SEC14L1: variants seen among roughly 807,000 people sequenced by gnomAD.
SEC14L1 encodes SEC14-like protein 1.
Under a neutral mutation model 85.3 loss-of-function variants are expected in SEC14L1, and 48 were observed. The ratio of observed to expected loss-of-function variants is 0.56; its 90% CI spans 0.45 to 0.72. The LOEUF is 0.72. Among genes scored for constraint, SEC14L1 ranks in the 30% least tolerant of loss-of-function variants. The pLI is 0.00. For synonymous variants in SEC14L1, 391 were observed against 355.5 expected (o/e 1.10, Z -1.12); for missense variants, 682 against 921.4 (o/e 0.74, Z 3.36).
In SEC14L1 at chr17:77,200,680, G is replaced by A. The variant is rs886636328; in HGVS notation, c.1009+7G>A. 6.2e-7 allele frequency: 1 copy of A among 1,608,916 alleles called. No homozygotes were observed. The highest frequency in any genetic ancestry group is 1.3e-5 in the African/African-American group (1 of 74,670). ...TGGCATCATCACGACAAAGGTACCG[G>A]ATGGAGTTGAAACTGTGTTTCCATC... On this transcript the variant is annotated splice_region_variant and intron_variant, in intron 9 of 16. Transcript: ENST00000436233.
At chr17:77,099,723 T>C (rs1237848245) in intron 3 of SEC14L1, among the ~76,000 whole-genome samples, 2 of 152,038 alleles carry the variant, frequency 1.3e-5, no homozygotes, top group South Asian at 2.1e-4. Flanking sequence ...CCCACTGCAT[T>C]CCAGCCTGGA....
intron 3 of SEC14L1, among the ~76,000 whole-genome samples, chr17:77,109,505 C>G (rs1456371623): frequency 6.6e-6 from 1 of 152,200 alleles, no homozygotes; most frequent in Non-Finnish European, 1.5e-5. Flanking sequence ...CTATTTCTCT[C>G]GCCTGATTTC....
intron 3 of SEC14L1, chr17:77,128,101 A>T (rs1972503673): frequency 6.6e-6 from 1 of 152,256 alleles, no homozygotes; most frequent in Admixed American, 6.5e-5. Context: ...ATTTCTTGGA[A>T]CAGTGCGTCA....
chr17:77,114,183 A>G (rs1362225514), intron 3 of SEC14L1, among the ~76,000 whole-genome samples: 7 of 152,182 alleles, frequency 4.6e-5, no homozygotes, highest in Admixed American at 3.3e-4. Context: ...TCTGTGACAA[A>G]TGATCCCAGG....
At chr17:77,152,311 G>A (rs1025524535) in intron 3 of SEC14L1, among the ~76,000 whole-genome samples, 1 of 152,056 alleles carries the variant, frequency 6.6e-6, no homozygotes, top group Non-Finnish European at 1.5e-5. Flanking sequence ...TGAGGCGGGT[G>A]GATCATTTGA....
At chr17:77,104,785 C>T (rs1192695708) in intron 3 of SEC14L1, among the ~76,000 whole-genome samples, 2 of 104,584 alleles carry the variant, frequency 1.9e-5, no homozygotes, top group South Asian at 3.9e-4. Flanking sequence ...AGTGAGACTC[C>T]ATTTCAAAAA....
At chr17:77,130,817 GC>G (rs1972590397) in intron 3 of SEC14L1, among the ~76,000 whole-genome samples, 1 of 152,116 alleles carries the variant, frequency 6.6e-6, no homozygotes, top group South Asian at 2.1e-4. Flanking sequence ...TGTTGTCCAA[GC>G]TGGTCTTGAA....
At chr17:77,172,246 T>TAAAA (rs778355887) in intron 3 of SEC14L1, among the ~76,000 whole-genome samples, 15 of 151,800 alleles carry the variant, frequency 9.9e-5, no homozygotes, top group Non-Finnish European at 1.9e-4. Flanking sequence ...GGACTTGAGG[T>TAAAA]AAAAAAAAGA....
At chr17:77,172,471 A>G (rs1974559361) in intron 3 of SEC14L1, among the ~76,000 whole-genome samples, 2 of 151,998 alleles carry the variant, frequency 1.3e-5, no homozygotes, top group Non-Finnish European at 2.9e-5. Context: ...AGTTCTTTAT[A>G]GGTTTTGGCC....
At chr17:77,104,149 C>G (rs1971848522) in intron 3 of SEC14L1, among the ~76,000 whole-genome samples, 1 of 142,206 alleles carries the variant, frequency 7.0e-6, no homozygotes, top group Non-Finnish European at 1.5e-5. Flanking sequence ...GAGACAGAGT[C>G]TCCTCTGTCA....
At position 77,206,848 on chromosome 17, in the gene SEC14L1, A is replaced by G; in HGVS notation, c.1462A>G (p.Ser488Gly). 1 of 1,605,788 alleles carries G rather than the reference A, an allele frequency of 6.2e-7. No homozygotes were observed. Among genetic ancestry groups the G allele is most frequent in the Admixed American group, 1.7e-5 (1 of 58,206 alleles). ...CAAAGAGATTATTCCAGATTTCCTG[A>G]GTGGGGAGTGCATGGTATGTCCTGA... ...IDKEIIPDFL[S>G]GECMCEVPEG... is the part of the protein sequence containing the mutation. The change falls in exon 13 of 17, where the codon AGT becomes GGT. Residue 488 changes from serine (S) to glycine (G), a missense_variant. By Grantham distance (56) the Ser-to-Gly change is moderately conservative. Around this residue, in one of 3 missense-constraint regions of SEC14L1, gnomAD observed 420 missense variants for 619.5 expected, o/e 0.68. Transcript: ENST00000436233. The surrounding 1 kb of genome is among the most constrained non-coding windows in gnomAD (Gnocchi z 4.3).
In SEC14L1 at chr17:77,213,375, C is replaced by A; in HGVS notation, c.1925C>A (p.Pro642His). ...CTGCAGTGGAAATTCCACAGCATGC[C>A]TGCGTGCGCCGCCAGCAGCCTTCCC... The part of the protein sequence containing the change: ...YILQWKFHSM[P>H]ACAASSLPRV... The change falls in exon 16 of 17, where the codon CCT becomes CAT. Residue 642 changes from proline (P) to histidine (H), a missense_variant. Coordinates refer to ENST00000436233, the MANE Select transcript of SEC14L1 (RefSeq NM_001143998.2). The surrounding 1 kb of genome is among the most constrained non-coding windows in gnomAD (Gnocchi z 7.1). The A allele has an allele frequency of 6.2e-7, 1 of 1,613,482 alleles. No homozygotes were observed. Among genetic ancestry groups the A allele is most frequent in the Non-Finnish European group, 8.5e-7 (1 of 1,179,956 alleles).
chr17:77,098,038 TTGA>T (rs1345406385), intron 3 of SEC14L1, among the ~76,000 whole-genome samples: 1 of 151,632 alleles, frequency 6.6e-6, no homozygotes, highest in Non-Finnish European at 1.5e-5. Context: ...GCAAAAGGAG[TTGA>T]TGAGAGGGCT....
chr17:77,212,722 C>T (rs761023641), intron 15 of SEC14L1: 38 of 166,716 alleles, frequency 2.3e-4, no homozygotes, highest in Non-Finnish European at 4.5e-4. Flanking sequence ...ATAATAGATG[C>T]ATCGTTTTGC....
intron 10 of SEC14L1, 85 bp from the exon 11 acceptor site, chr17:77,205,191 T>C (rs1976401994): frequency 8.7e-7 from 1 of 1,145,230 alleles, no homozygotes; most frequent in African/African-American, 1.5e-5. Context: ...TGTAATACGC[T>C]GTTAGTGTCC....
chr17:77,204,699 C>T (rs537705278), intron 10 of SEC14L1, among the ~76,000 whole-genome samples: 2 of 152,170 alleles, frequency 1.3e-5, no homozygotes, highest in East Asian at 1.9e-4. Flanking sequence ...ACTACAAGCA[C>T]CACCACTGAG....
chr17:77,154,927 T>C (rs1251482787), intron 3 of SEC14L1, among the ~76,000 whole-genome samples: 1 of 152,212 alleles, frequency 6.6e-6, no homozygotes, highest in Non-Finnish European at 1.5e-5. Context: ...TATTCCACTT[T>C]CTTGCCTTAT....
intron 9 of SEC14L1, among the ~76,000 whole-genome samples, chr17:77,202,154 C>T (rs562839251): frequency 2.4e-4 from 37 of 152,256 alleles, no homozygotes; most frequent in African/African-American, 8.4e-4. Context: ...GAGTTAGGCT[C>T]CTCTCAGGCG....
chr17:77,209,027 A>AT (rs1976605913), intron 13 of SEC14L1, among the ~76,000 whole-genome samples: 1 of 152,200 alleles, frequency 6.6e-6, no homozygotes, highest in African/African-American at 2.4e-5. Context: ...TTACAGGGCA[A>AT]TATAAATACC....
Sources: gnomAD v4.1 joint callset for allele counts (sites outside exome capture counted in the v4.1 genomes callset) on GRCh38, gnomAD v4.1.1 for gene constraint, gnomAD v4.1.1 regional missense constraint, Gnocchi (gnomAD v3.1) non-coding constraint, MANE v1.5 for transcripts, NCBI Gene and HGNC (gene_info 2026-07-23, HGNC 2026-07-21) for gene names.